KAZN: variants seen among roughly 807,000 people sequenced by gnomAD.
KAZN encodes the protein kazrin, periplakin interacting protein, also known as kazrin.
Under a neutral mutation model 87.4 loss-of-function variants are expected in KAZN, and 40 were observed. The observed-to-expected ratio is 0.46, with a 90% CI of 0.36 to 0.60. KAZN has a LOEUF of 0.60. Ranked by LOEUF, KAZN falls within the 20% of genes least tolerant of loss-of-function variation. The pLI is 0.00. For missense variants in KAZN, 898 were observed against 1,073.9 expected (o/e 0.84, Z 2.29); for synonymous variants, 466 against 458.3 (o/e 1.02, Z -0.22).
At chr1:14,990,231 G>GT (rs933374759) in intron 2 of KAZN, among the ~76,000 whole-genome samples, 1 of 151,850 alleles carries the variant, frequency 6.6e-6, no homozygotes, top group East Asian at 1.9e-4. Context: ...TTTGTTTTTT[G>GT]TTTTTTTGGG....
intron 1 of KAZN, among the ~76,000 whole-genome samples, chr1:14,908,009 A>T (rs954671420): frequency 4.9e-4 from 74 of 152,374 alleles, no homozygotes; most frequent in African/African-American, 1.8e-3. Flanking sequence ...ACTCTGTGCC[A>T]GCATCATGCC....
chr1:15,016,998 TAAAG>T (rs1670180232), intron 2 of KAZN, among the ~76,000 whole-genome samples: 1 of 152,116 alleles, frequency 6.6e-6, no homozygotes, highest in Non-Finnish European at 1.5e-5. Flanking sequence ...TCCATGGGAA[TAAAG>T]ACCTTATCTG....
Position 14,219,274 on chromosome 1 carries a change from G to A in KAZN, c.249+38682G>A, listed in dbSNP as rs538057398. Among the ~76,000 whole-genome samples the A allele has an allele frequency of 1.4e-4, 21 of 152,202 alleles. No individual in the cohort carries two copies. The South Asian group carries it at 4.4e-3, about 32-fold the overall frequency. ...GTGAGGACAAAGATTACTTTTGAGG[G>A]TGTAGGGAAGGGAATTGTTGTTAAA... On this transcript the variant is annotated intron_variant, in intron 2 of 16. Coordinates refer to the KAZN transcript ENST00000636203.
intron 1 of KAZN, among the ~76,000 whole-genome samples, chr1:13,909,875 G>A (rs1412437635): frequency 6.6e-6 from 1 of 152,138 alleles, no homozygotes; most frequent in African/African-American, 2.4e-5. Flanking sequence ...TTCTTGGCTG[G>A]CTTCAGGGAA....
At chr1:14,467,901 G>A (rs751165266) in intron 2 of KAZN, among the ~76,000 whole-genome samples, 17 of 152,098 alleles carry the variant, frequency 1.1e-4, no homozygotes, top group Non-Finnish European at 2.1e-4. Context: ...TTCCTGGTTT[G>A]AGTTTCATTG....
chr1:14,844,345 T>C (rs918179471), intron 1 of KAZN, among the ~76,000 whole-genome samples: 6 of 152,254 alleles, frequency 3.9e-5, no homozygotes, highest in South Asian at 2.1e-4. Flanking sequence ...TAAAGGTTGA[T>C]GTGGAGGTAA....
At chr1:14,131,138 T>C (rs1020148341) in intron 1 of KAZN, among the ~76,000 whole-genome samples, 1 of 152,124 alleles carries the variant, frequency 6.6e-6, no homozygotes, top group Non-Finnish European at 1.5e-5. Context: ...GGAAGAGCTG[T>C]ACACTTTCAA....
At chr1:14,927,989 A>G (rs6662873) in intron 1 of KAZN, among the ~76,000 whole-genome samples, 45,388 of 142,184 alleles carry the variant, frequency 0.32, 7,300 homozygotes, top group African/African-American at 0.5. Context: ...CAGCAACCCA[A>G]TGGGGAAGTG....
chr1:13,905,470 C>T (rs1026284434), intron 1 of KAZN, among the ~76,000 whole-genome samples: 8 of 152,142 alleles, frequency 5.3e-5, no homozygotes, highest in Non-Finnish European at 1.0e-4. Context: ...CACTCTCAAC[C>T]CCTCTCAATC....
At chr1:14,102,129 TA>T (rs1644269108) in intron 1 of KAZN, among the ~76,000 whole-genome samples, 1 of 152,112 alleles carries the variant, frequency 6.6e-6, no homozygotes, top group African/African-American at 2.4e-5. Context: ...TTGACTTATT[TA>T]AAAGCCCAGC....
intron 1 of KAZN, among the ~76,000 whole-genome samples, chr1:14,712,909 C>T (rs898544956): frequency 2.0e-5 from 3 of 152,196 alleles, no homozygotes; most frequent in Non-Finnish European, 2.9e-5. Flanking sequence ...TTTTCCCAGC[C>T]CTCGTGGTGC....
intron 1 of KAZN, among the ~76,000 whole-genome samples, chr1:14,159,622 A>C (rs1645668209): frequency 6.6e-6 from 1 of 152,196 alleles, no homozygotes; most frequent in Non-Finnish European, 1.5e-5. Context: ...CAGGTACCTA[A>C]GGTGCAAGAC....
rs530736338 is a variant in KAZN, at chr1:14,368,649, G to A, written c.249+188057G>A. 2.0e-5 allele frequency among the ~76,000 whole-genome samples: 3 copies of A among 152,262 alleles called. No individual in the cohort carries two copies. In the East Asian group the frequency reaches 5.8e-4, roughly 29 times the overall value. On this transcript the variant is annotated intron_variant, in intron 2 of 16. Coordinates refer to the KAZN transcript ENST00000636203. ...GATGCCTCCTCCCTCCTAAGCCTCTGGCTCAATCCTACCTCAGGCTGTTGG... is the reference window on the plus strand; with the variant it reads ...GATGCCTCCTCCCTCCTAAGCCTCTAGCTCAATCCTACCTCAGGCTGTTGG...
intron 1 of KAZN, among the ~76,000 whole-genome samples, chr1:14,068,496 G>C (rs1451104692): frequency 1.3e-5 from 2 of 152,024 alleles, no homozygotes; most frequent in South Asian, 4.1e-4. Flanking sequence ...TGGGGCCAGG[G>C]ATATGCATTA....
At chr1:14,118,073 A>G (rs1644667790) in intron 1 of KAZN, among the ~76,000 whole-genome samples, 1 of 152,118 alleles carries the variant, frequency 6.6e-6, no homozygotes, top group Admixed American at 6.5e-5. Flanking sequence ...GGGCAGCTCT[A>G]TGGTGGGGTC....
intron 1 of KAZN, among the ~76,000 whole-genome samples, chr1:14,020,995 A>G (rs1446911679): frequency 6.6e-6 from 1 of 152,172 alleles, no homozygotes; most frequent in Non-Finnish European, 1.5e-5. Flanking sequence ...TGTTAACTTT[A>G]TCACTCTTTC....
At chr1:13,958,475 G>A (rs1641631984) in intron 1 of KAZN, among the ~76,000 whole-genome samples, 1 of 151,146 alleles carries the variant, frequency 6.6e-6, no homozygotes, top group African/African-American at 2.4e-5. Flanking sequence ...TCGGGAGGCT[G>A]AGGCAGGAGA....
At chr1:14,468,131 G>T (rs577268008) in intron 2 of KAZN, among the ~76,000 whole-genome samples, 1 of 152,274 alleles carries the variant, frequency 6.6e-6, no homozygotes, top group African/African-American at 2.4e-5. Flanking sequence ...ACTACACATG[G>T]TTTTTGGGTT....
At chr1:14,179,385 C>G (rs1432132452) in intron 1 of KAZN, among the ~76,000 whole-genome samples, 7 of 152,174 alleles carry the variant, frequency 4.6e-5, no homozygotes, top group African/African-American at 1.7e-4. Flanking sequence ...TTCATATTTT[C>G]TCAAGGATCA....
Sources: gnomAD v4.1 joint callset for allele counts (sites outside exome capture counted in the v4.1 genomes callset) on GRCh38, gnomAD v4.1.1 for gene constraint, MANE v1.5 for transcripts, NCBI Gene and HGNC (gene_info 2026-07-23, HGNC 2026-07-21) for gene names.